The following OR6B3 variants were observed in gnomAD, a reference collection of about 807,000 sequenced individuals.
OR6B3 encodes the protein olfactory receptor family 6 subfamily B member 3.
For synonymous variants in OR6B3, 148 were observed against 187.8 expected (o/e 0.79, Z 1.73); for missense variants, 315 against 427.4 (o/e 0.74, Z 2.32).
chr2:240,045,174 G>T, exon 2 of OR6B3: 1 of 1,614,074 alleles, frequency 6.2e-7, no homozygotes, highest in Non-Finnish European at 8.5e-7. Context: ...TTTTTTCAAG[G>T]CATTCTTAAA....
exon 2 of OR6B3, chr2:240,045,808 G>T (rs748797040): frequency 3.6e-5 from 58 of 1,589,280 alleles, no homozygotes; most frequent in Non-Finnish European, 4.4e-5. Flanking sequence ...ATGCGTTTCT[G>T]CTGGAGGAGG....
the OR6B3 span, among the ~76,000 whole-genome samples, chr2:240,052,703 G>T: frequency 1.3e-5 from 2 of 152,232 alleles, no homozygotes; most frequent in African/African-American, 4.8e-5. This position sits in a 1 kb window ranked among gnomAD's most constrained non-coding sequence, Gnocchi z 4.5. Context: ...CTGTGGACAC[G>T]ACAGGGTAGA....
At chr2:240,050,787 A>C (rs1375787382), upstream of OR6B3, among the ~76,000 whole-genome samples, 1 of 151,732 alleles carries the variant, frequency 6.6e-6, no homozygotes, top group South Asian at 2.1e-4. Flanking sequence ...ACTCTAGTAC[A>C]TGCCTCTCAC....
chr2:240,050,596 C>T (rs1359904366), upstream of OR6B3, among the ~76,000 whole-genome samples: 4 of 152,030 alleles, frequency 2.6e-5, no homozygotes, highest in Non-Finnish European at 5.9e-5. Flanking sequence ...CACCTGTAAT[C>T]CCAGCTACTC....
At chr2:240,045,828 A>G (rs771153047) in exon 2 of OR6B3, 5 of 1,610,352 alleles carry the variant, frequency 3.1e-6, no homozygotes, top group Non-Finnish European at 4.2e-6. Context: ...GAAGCCCTCC[A>G]GCATCTTGGG....
upstream of OR6B3, among the ~76,000 whole-genome samples, chr2:240,049,427 C>T (rs13384437): frequency 0.096 from 14,663 of 152,202 alleles, 878 homozygotes; most frequent in African/African-American, 0.15. Context: ...TGGAATTATT[C>T]ATGCCTGAGG....
upstream of OR6B3, among the ~76,000 whole-genome samples, chr2:240,047,868 A>T (rs1698214232): frequency 6.6e-6 from 1 of 152,244 alleles, no homozygotes; most frequent in African/African-American, 2.4e-5. Flanking sequence ...ACAGATATCA[A>T]AATTAATGAA....
upstream of OR6B3, among the ~76,000 whole-genome samples, chr2:240,048,431 C>T (rs1407509720): frequency 6.6e-6 from 1 of 152,074 alleles, no homozygotes; most frequent in South Asian, 2.1e-4. Context: ...GTTGCACTTG[C>T]TGTGTTCATG....
downstream of OR6B3, chr2:240,045,041 C>T (rs570686418): frequency 3.5e-5 from 53 of 1,514,150 alleles, no homozygotes; most frequent in South Asian, 8.1e-5. Context: ...TAAATAAATG[C>T]GGTACTACAA....
chr2:240,046,780 C>T (rs924629487), intron 1 of OR6B3, among the ~76,000 whole-genome samples, 172 bp downstream of exon 2: 10 of 152,172 alleles, frequency 6.6e-5, no homozygotes, highest in East Asian at 3.8e-4. Flanking sequence ...AAGTCTAGAA[C>T]GTTCTCGAGG....
At chr2:240,050,033 G>A (rs1057014514), upstream of OR6B3, among the ~76,000 whole-genome samples, 1 of 150,114 alleles carries the variant, frequency 6.7e-6, no homozygotes, top group Non-Finnish European at 1.5e-5. Context: ...TAGAAATAAA[G>A]GAAATCATAA....
exon 2 of OR6B3, chr2:240,045,570 A>G: frequency 1.3e-6 from 2 of 1,553,934 alleles, no homozygotes; most frequent in East Asian, 2.2e-5. Context: ...GGAGCCACAG[A>G]ACGTGACGCT....
chr2:240,050,966 T>C, upstream of OR6B3, among the ~76,000 whole-genome samples: 1 of 152,128 alleles, frequency 6.6e-6, no homozygotes, highest in Non-Finnish European at 1.5e-5. Context: ...CATCAAAAAA[T>C]GTTCAATCTG....
exon 2 of OR6B3, chr2:240,045,173 G>A: frequency 6.2e-7 from 1 of 1,614,106 alleles, no homozygotes; most frequent in Non-Finnish European, 8.5e-7. Context: ...CTTTTTTCAA[G>A]GCATTCTTAA....
chr2:240,049,028 T>C (rs1279503093), upstream of OR6B3, among the ~76,000 whole-genome samples: 1 of 152,102 alleles, frequency 6.6e-6, no homozygotes, highest in Non-Finnish European at 1.5e-5. Context: ...CTCACAGTTC[T>C]CTGGGTCAGC....
chr2:240,049,814 G>A (rs563388347), upstream of OR6B3, among the ~76,000 whole-genome samples: 35 of 152,130 alleles, frequency 2.3e-4, no homozygotes, highest in African/African-American at 7.7e-4. Context: ...TTATCTAATT[G>A]TTTTTCCAAG....
At chr2:240,050,236 A>G (rs775689231), upstream of OR6B3, among the ~76,000 whole-genome samples, 1 of 152,208 alleles carries the variant, frequency 6.6e-6, no homozygotes, top group Non-Finnish European at 1.5e-5. Flanking sequence ...AAAAACTTCA[A>G]CTCAGGTTGA....
chr2:240,048,220 G>A (rs774920481), upstream of OR6B3, among the ~76,000 whole-genome samples: 8 of 152,108 alleles, frequency 5.3e-5, no homozygotes, highest in African/African-American at 1.2e-4. Context: ...CAAGTACACC[G>A]ATTAAACACA....
At chr2:240,052,384 A>G in the OR6B3 span, among the ~76,000 whole-genome samples, 2 of 152,098 alleles carry the variant, frequency 1.3e-5, no homozygotes, top group Non-Finnish European at 2.9e-5. The surrounding 1 kb of genome is among the most constrained non-coding windows in gnomAD (Gnocchi z 4.5). Context: ...TCTATTTTGG[A>G]TAGAAAAACT....
Sources: allele counts gnomAD v4.1 joint callset (sites outside exome capture counted in the v4.1 genomes callset), GRCh38; gene constraint gnomAD v4.1.1; non-coding constraint Gnocchi (gnomAD v3.1); transcripts MANE v1.5; gene names NCBI Gene and HGNC (gene_info 2026-07-23, HGNC 2026-07-21).